The following PRDM15 variants were observed in gnomAD, a reference collection of about 807,000 sequenced individuals.
PRDM15 encodes PR domain zinc finger protein 15.
PRDM15 carries 64 observed loss-of-function variants against 128.6 expected under a neutral mutation model. The observed-to-expected ratio is 0.50, with a 90% CI of 0.41 to 0.61. The LOEUF (loss-of-function observed/expected upper bound fraction) is 0.61, where lower values mean the gene tolerates loss of function less well. Among genes scored for constraint, PRDM15 ranks in the 20% least tolerant of loss-of-function variants. PRDM15 has a pLI of 0.00. For missense variants in PRDM15, 1,242 were observed against 1,569.1 expected (o/e 0.79, Z 3.52); for synonymous variants, 615 against 621.8 (o/e 0.99, Z 0.16).
chr21:41,857,691 T>C lies in PRDM15; in HGVS notation c.132-362A>G, dbSNP rs1316512087. On this transcript the variant is annotated intron_variant, in intron 3 of 23. Transcript: ENST00000398548. ...CAGTAGGATGGCTGAACCCGGGAGTTTGAGGCTGCAGTGAGCCAAGACTGT... is the reference window on the plus strand; with the variant it reads ...CAGTAGGATGGCTGAACCCGGGAGTCTGAGGCTGCAGTGAGCCAAGACTGT... Among the ~76,000 whole-genome samples, 3 of 152,134 alleles carry C rather than the reference T, an allele frequency of 2.0e-5. No individual in the cohort carries two copies. The East Asian group carries it at 5.8e-4, about 29-fold the overall frequency.
chr21:41,837,753 A>G (rs1022756876), intron 8 of PRDM15, among the ~76,000 whole-genome samples, 181 bp downstream of exon 8: 1 of 151,648 alleles, frequency 6.6e-6, no homozygotes, highest in Non-Finnish European at 1.5e-5. Context: ...TGCACCATTA[A>G]ACTCCTGAGC....
rs2061404615 is a variant in PRDM15, at chr21:41,801,177, CA to C, written c.*62del. 23 of 1,491,282 alleles carry C rather than the reference CA, an allele frequency of 1.5e-5. No homozygotes were observed. The South Asian group carries it at 3.0e-4, about 19-fold the overall frequency. The allele number at this position is 1,491,282 out of a possible 1,614,324, so 92.4% of individuals were successfully genotyped here. The stretch of plus-strand genomic sequence containing the variant: ...TTTTGTTTGTTTGGTATCCAGCAAA[CA>C]CATCTAAACAAATCCCAAACATCCC... On this transcript the variant is annotated 3_prime_UTR_variant, in exon 24 of 24. Transcript: ENST00000398548.
At chr21:41,830,318 C>G (rs2062640945) in intron 11 of PRDM15, among the ~76,000 whole-genome samples, 1 of 151,122 alleles carries the variant, frequency 6.6e-6, no homozygotes, top group African/African-American at 2.4e-5. Flanking sequence ...AACACATACT[C>G]AACACATACA....
chr21:41,806,611 T>C (rs142496871), intron 21 of PRDM15, among the ~76,000 whole-genome samples: 1,084 of 4,898 alleles, frequency 0.22, 37 homozygotes, highest in Non-Finnish European at 0.29. Flanking sequence ...ACCACCACCA[T>C]CATCACCACC....
In PRDM15 at chr21:41,862,353, G is replaced by C. The variant is rs2063845641; in HGVS notation, c.-9-1981C>G. On this transcript the variant is annotated intron_variant, in intron 1 of 23. Transcript: ENST00000398548. The surrounding 1 kb of genome is among the most constrained non-coding windows in gnomAD (Gnocchi z 4.1). ...TCGTCCTGGCCTTGCTTACTTGGGA[G>C]CCTGCACGAATCCCCTGAGGCCTTG... Among the ~76,000 whole-genome samples, 1 of 152,170 alleles carries C rather than the reference G, an allele frequency of 6.6e-6. No homozygotes were observed. The highest frequency in any genetic ancestry group is 1.5e-5 in the Non-Finnish European group (1 of 68,018).
chr21:41,874,525 A>ATATATATATATATATATTTT, intron 1 of PRDM15, among the ~76,000 whole-genome samples: 1 of 95,828 alleles, frequency 1.0e-5, no homozygotes, highest in Non-Finnish European at 2.0e-5. Flanking sequence ...ATATATATAT[A>ATATATATATATATATATTTT]TTTTTTTTTT....
chr21:41,824,281 G>A (rs1222615353), intron 13 of PRDM15, among the ~76,000 whole-genome samples: 2 of 152,218 alleles, frequency 1.3e-5, no homozygotes, highest in Non-Finnish European at 2.9e-5. Flanking sequence ...GATGACTTGG[G>A]CTGACAGCGC....
At chr21:41,871,573 A>C in intron 1 of PRDM15, 1 of 1,612,272 alleles carries the variant, frequency 6.2e-7, no homozygotes, top group South Asian at 1.1e-5. Flanking sequence ...CATTCCCTAG[A>C]GATGTTTCCA....
Position 41,821,297 on chromosome 21 carries a change from G to A in PRDM15, c.1897-67C>T. 2.5e-6 allele frequency: 4 copies of A among 1,587,258 alleles called. No individual in the cohort carries two copies. Among genetic ancestry groups the A allele is most frequent in the South Asian group, 1.1e-5 (1 of 89,694 alleles). On this transcript the variant is annotated intron_variant, in intron 15 of 23. Coordinates refer to ENST00000398548, the MANE Select transcript of PRDM15 (RefSeq NM_001040424.3). The surrounding 1 kb of genome is among the most constrained non-coding windows in gnomAD (Gnocchi z 5.4). ...GGTCCCTGGTCCTCTTAGCTAATGA[G>A]GTCGTGTCCACAAACCAGGGCACCC...
chr21:41,804,539 C>G lies in PRDM15; in HGVS notation c.2728G>C (p.Val910Leu), dbSNP rs149203937. Reference sequence around the variant, plus strand: ...TGGGGCCCCATGCTGCTCACCTGGACGATGCCAATGGAGGAGGCGTCGATG... The same window carrying G: ...TGGGGCCCCATGCTGCTCACCTGGAGGATGCCAATGGAGGAGGCGTCGATG... The part of the protein sequence containing the change: ...TTIDASSIGI[V>L]QPELTLEQED... Residue 910 changes from valine to leucine, a missense_variant, in exon 22 of 24, where the codon GTC (valine) becomes CTC (leucine). Transcript: ENST00000398548. 6.4e-7 allele frequency: 1 copy of G among 1,565,338 alleles called. No individual in the cohort carries two copies. Among genetic ancestry groups the G allele is most frequent in the Admixed American group, 1.9e-5 (1 of 52,214 alleles).
At position 41,879,219 on chromosome 21, in the gene PRDM15, CGGCGGGGCGCACGCCGGGGCG is replaced by C. The variant is rs2064553234; in HGVS notation, c.-10+30_-10+50del. The stretch of plus-strand genomic sequence containing the variant: ...GGGGGCAGCGGGTGCGGCCCGGGGC[CGGCGGGGCGCACGCCGGGGCG>C]GGCGGCGGGCGCAGGGCCCGGAGCT... On this transcript the variant is annotated intron_variant, in intron 1 of 23. Transcript: ENST00000398548. This position sits in a 1 kb window ranked among gnomAD's most constrained non-coding sequence, Gnocchi z 5.1. 1 of 751,548 alleles carries C rather than the reference CGGCGGGGCGCACGCCGGGGCG, an allele frequency of 1.3e-6. No homozygotes were observed. The highest frequency in any genetic ancestry group is 1.6e-6 in the Non-Finnish European group (1 of 623,820). The allele number at this position is 751,548 out of a possible 1,614,324, so 46.6% of individuals were successfully genotyped here.
chr21:41,846,509 C>G (rs1027666626), intron 6 of PRDM15, among the ~76,000 whole-genome samples: 3 of 152,196 alleles, frequency 2.0e-5, no homozygotes, highest in Admixed American at 6.5e-5. Flanking sequence ...TCTGAGCCAG[C>G]CTGGGTGAAA....
At chr21:41,831,652 C>T (rs1020632629) in intron 11 of PRDM15, among the ~76,000 whole-genome samples, 4 of 152,198 alleles carry the variant, frequency 2.6e-5, no homozygotes, top group African/African-American at 7.2e-5. Flanking sequence ...TGGCCGACAG[C>T]GAAGACAGGA....
Position 41,836,131 on chromosome 21 carries a change from G to C in PRDM15, c.1260C>G (p.Tyr420Ter). The C allele has an allele frequency of 6.2e-7, 1 of 1,613,846 alleles. No homozygotes were observed. Among genetic ancestry groups the C allele is most frequent in the East Asian group, 2.2e-5 (1 of 44,870 alleles). Residue 420 changes from tyrosine to a stop codon, truncating the protein, a stop_gained, in exon 10 of 24, where the codon TAC becomes TAG. Transcript: ENST00000398548. LOFTEE classifies it high-confidence loss of function. Reference protein sequence around the residue: ...RKESLKQHVSYKHSRNEVDGE... With the variant: ...RKESLKQHVS ...CACCCACCTCGTTCCTGCTGTGCTT[G>C]TAGGAAACGTGCTGCTTTAGGCTCT...
chr21:41,867,247 T>C, intron 1 of PRDM15: 1 of 1,438,492 alleles, frequency 7.0e-7, no homozygotes, highest in Non-Finnish European at 9.7e-7. Flanking sequence ...GTAGTCAAAC[T>C]TCGTAACACC....
chr21:41,853,260 TACTG>T (rs1345811463), intron 5 of PRDM15, among the ~76,000 whole-genome samples: 1 of 152,242 alleles, frequency 6.6e-6, no homozygotes, highest in Non-Finnish European at 1.5e-5. Flanking sequence ...GCCTCAATCA[TACTG>T]ACAAACAGGA....
intron 12 of PRDM15, among the ~76,000 whole-genome samples, chr21:41,826,432 A>G (rs2062474153): frequency 6.6e-6 from 1 of 152,256 alleles, no homozygotes; most frequent in African/African-American, 2.4e-5. Flanking sequence ...AAGCCAAGTT[A>G]TGATTCTTAT....
At chr21:41,823,672 T>C (rs925558959) in intron 13 of PRDM15, among the ~76,000 whole-genome samples, 5 of 152,236 alleles carry the variant, frequency 3.3e-5, no homozygotes, top group Non-Finnish European at 5.9e-5. Flanking sequence ...TACGTTACAA[T>C]AGAAAATTGA....
chr21:41,878,743 C>A (rs764300291), intron 1 of PRDM15: 3 of 1,565,648 alleles, frequency 1.9e-6, no homozygotes, highest in Non-Finnish European at 1.7e-6. Flanking sequence ...GGGACCCCCC[C>A]GTGCGACCCG....
Sources: gnomAD v4.1 joint callset for allele counts (sites outside exome capture counted in the v4.1 genomes callset) on GRCh38, gnomAD v4.1.1 for gene constraint, Gnocchi (gnomAD v3.1) non-coding constraint, MANE v1.5 for transcripts, NCBI Gene and HGNC (gene_info 2026-07-23, HGNC 2026-07-21) for gene names.